The following LDLRAD3 variants were observed in gnomAD, a reference collection of about 807,000 sequenced individuals.
The protein encoded by LDLRAD3 is low-density lipoprotein receptor class A domain-containing protein 3.
A neutral mutation model predicts 29.4 loss-of-function variants in LDLRAD3; 20 were observed. The ratio of observed to expected loss-of-function variants is 0.68; its 90% CI spans 0.48 to 0.99. The LOEUF (loss-of-function observed/expected upper bound fraction) is 0.99, where lower values mean the gene tolerates loss of function less well. LDLRAD3 is among the 50% of genes least tolerant of loss of function. The pLI, the probability that LDLRAD3 is intolerant of heterozygous loss-of-function variation, is 0.00. For missense variants in LDLRAD3, 420 were observed against 454.3 expected (o/e 0.92, Z 0.69); for synonymous variants, 157 against 192.7 (o/e 0.81, Z 1.53).
intron 4 of LDLRAD3, among the ~76,000 whole-genome samples, chr11:36,107,173 A>C (rs1161945237): frequency 6.6e-6 from 1 of 151,910 alleles, no homozygotes; most frequent in Admixed American, 6.6e-5. Context: ...TCCTCAGGAA[A>C]TGTCTGTCTG....
chr11:36,170,540 C>A (rs549550699), intron 4 of LDLRAD3, among the ~76,000 whole-genome samples: 1 of 151,904 alleles, frequency 6.6e-6, no homozygotes. Context: ...ATTGCTGGAT[C>A]AAATGATAGA....
chr11:36,083,946 T>TC (rs1361645051), intron 3 of LDLRAD3, among the ~76,000 whole-genome samples: 1 of 152,118 alleles, frequency 6.6e-6, no homozygotes, highest in Admixed American at 6.5e-5. Context: ...TGAGACAAGG[T>TC]CTTGCTCTGT....
At chr11:36,210,427 G>C (rs113263015) in intron 4 of LDLRAD3, among the ~76,000 whole-genome samples, 3 of 151,970 alleles carry the variant, frequency 2.0e-5, no homozygotes, top group African/African-American at 4.8e-5. Flanking sequence ...TAGGTGTTTC[G>C]AGGGCTTTCA....
chr11:36,068,311 G>C (rs1852830850), intron 2 of LDLRAD3, among the ~76,000 whole-genome samples: 1 of 152,206 alleles, frequency 6.6e-6, no homozygotes, highest in African/African-American at 2.4e-5. Flanking sequence ...TTAGGGAAGG[G>C]AGGGCATTAC....
intron 1 of LDLRAD3, among the ~76,000 whole-genome samples, chr11:36,035,519 C>G (rs262452): frequency 0.99 from 150,396 of 152,308 alleles, 74,286 homozygotes; most frequent in East Asian, 1. Flanking sequence ...TGGGACCCTG[C>G]TGGAGGTTAC....
chr11:36,162,245 C>T (rs1854451354), intron 4 of LDLRAD3, among the ~76,000 whole-genome samples: 1 of 152,150 alleles, frequency 6.6e-6, no homozygotes, highest in African/African-American at 2.4e-5. Context: ...TAAGTTTCAT[C>T]TACATTTTTA....
In LDLRAD3 at chr11:36,160,071, G is replaced by A. The variant is rs760497064; in HGVS notation, c.454+61610G>A. ...AAATCCGTGGCCTTACTGGCTGTGAGCGAGGCAGATAAGCCACAGTCTGAC... is the reference window on the plus strand; with the variant it reads ...AAATCCGTGGCCTTACTGGCTGTGAACGAGGCAGATAAGCCACAGTCTGAC... On this transcript the variant is annotated intron_variant, in intron 4 of 5. Transcript: ENST00000315571. Among the ~76,000 whole-genome samples, 11 of 152,340 alleles carry A rather than the reference G, an allele frequency of 7.2e-5. 1 individual carries two copies. The highest frequency in any genetic ancestry group is 1.9e-4 in the East Asian group (1 of 5,194).
chr11:36,053,596 T>C (rs1227517679), intron 2 of LDLRAD3, among the ~76,000 whole-genome samples: 1 of 152,218 alleles, frequency 6.6e-6, no homozygotes, highest in East Asian at 1.9e-4. Flanking sequence ...ACATCAGCCT[T>C]GGCTGCCACT....
intron 4 of LDLRAD3, among the ~76,000 whole-genome samples, chr11:36,195,258 G>A (rs1855015085): frequency 6.7e-6 from 1 of 150,178 alleles, no homozygotes; most frequent in South Asian, 2.1e-4. Context: ...TGAGGAAGAT[G>A]TTGAGCCAGC....
intron 4 of LDLRAD3, among the ~76,000 whole-genome samples, chr11:36,219,254 G>C (rs565888422): frequency 9.2e-5 from 14 of 152,306 alleles, no homozygotes; most frequent in Admixed American, 2.0e-4. Context: ...ATCCTAATAG[G>C]TTTAGGGGAG....
At chr11:35,947,441 C>T (rs1851071649) in intron 1 of LDLRAD3, among the ~76,000 whole-genome samples, 2 of 151,034 alleles carry the variant, frequency 1.3e-5, no homozygotes, top group African/African-American at 2.4e-5. Context: ...ACCTGGGAAG[C>T]GGAGGTTGCA....
At chr11:36,223,401 G>C (rs970248139) in intron 4 of LDLRAD3, among the ~76,000 whole-genome samples, 1 of 152,114 alleles carries the variant, frequency 6.6e-6, no homozygotes, top group African/African-American at 2.4e-5. Context: ...TTTGTTTTCT[G>C]TGTGACAGTT....
chr11:36,104,594 G>A (rs1221031726), intron 4 of LDLRAD3, among the ~76,000 whole-genome samples: 1 of 152,098 alleles, frequency 6.6e-6, no homozygotes, highest in African/African-American at 2.4e-5. Flanking sequence ...AACATTTGGA[G>A]TACTAACTGC....
chr11:36,132,504 G>A (rs777736736), intron 4 of LDLRAD3, among the ~76,000 whole-genome samples: 3 of 152,214 alleles, frequency 2.0e-5, no homozygotes, highest in Non-Finnish European at 4.4e-5. Flanking sequence ...CCCAGAAGGA[G>A]TAGGTGTCAT....
Position 36,208,001 on chromosome 11 carries a change from C to A in LDLRAD3, c.455-19084C>A, listed in dbSNP as rs114291134. Among the ~76,000 whole-genome samples, 862 of 152,212 alleles carry A rather than the reference C, an allele frequency of 5.7e-3. 10 individuals are homozygous for A. Among genetic ancestry groups the A allele is most frequent in the African/African-American group, 0.02 (819 of 41,538 alleles). ...AGATAGATCCTGGTTATAAATAAAT[C>A]ATTTCTACATCTCCACAAATGGCAC... On this transcript the variant is annotated intron_variant, in intron 4 of 5. Coordinates refer to ENST00000315571, the MANE Select transcript of LDLRAD3 (RefSeq NM_174902.4).
intron 4 of LDLRAD3, among the ~76,000 whole-genome samples, chr11:36,111,695 G>A (rs1282424631): frequency 6.6e-6 from 1 of 151,934 alleles, no homozygotes; most frequent in East Asian, 1.9e-4. Flanking sequence ...CCGCCTCCCG[G>A]GTTCAAGCAC....
intron 3 of LDLRAD3, among the ~76,000 whole-genome samples, chr11:36,090,261 C>T (rs866330925): frequency 3.9e-5 from 6 of 151,980 alleles, no homozygotes; most frequent in Non-Finnish European, 8.8e-5. Context: ...TGAGCAGATG[C>T]AGGATGAGGA....
At chr11:36,048,575 A>G (rs1391560912) in intron 2 of LDLRAD3, among the ~76,000 whole-genome samples, 1 of 152,250 alleles carries the variant, frequency 6.6e-6, no homozygotes. Context: ...ATCTCCCAGG[A>G]GAAGAGTGAC....
chr11:36,118,883 ATTTCTG>A (rs1051046693), intron 4 of LDLRAD3, among the ~76,000 whole-genome samples: 3 of 151,804 alleles, frequency 2.0e-5, no homozygotes, highest in Non-Finnish European at 4.4e-5. Flanking sequence ...CCCCAGTTTG[ATTTCTG>A]TTTCTATGGA....
Sources: gnomAD v4.1 joint callset for allele counts (sites outside exome capture counted in the v4.1 genomes callset) on GRCh38, gnomAD v4.1.1 for gene constraint, MANE v1.5 for transcripts, NCBI Gene and HGNC (gene_info 2026-07-23, HGNC 2026-07-21) for gene names.